The following PIMREG variants were observed in gnomAD, a reference collection of about 807,000 sequenced individuals.
The protein encoded by PIMREG is protein PIMREG.
In PIMREG, 19 loss-of-function variants were observed where a neutral mutation model predicts 24.3. That is an observed-to-expected ratio of 0.78 (90% confidence interval 0.54 to 1.15). PIMREG has a LOEUF of 1.15. Among genes scored for constraint, PIMREG ranks in the 50% most tolerant of loss-of-function variants. The pLI, the probability that PIMREG is intolerant of heterozygous loss-of-function variation, is 0.00. For missense variants in PIMREG, 283 were observed against 306.8 expected, an observed-to-expected ratio of 0.92 and a Z score of 0.58; for synonymous variants, 112 against 124.1, an observed-to-expected ratio of 0.90 and a Z score of 0.65.
chr17:6,445,520 G>A, intron 2 of PIMREG, 116 bp downstream of exon 2: 1 of 1,097,620 alleles, frequency 9.1e-7, no homozygotes. Context: ...ACGTTGGTTA[G>A]TTCACTGCTG....
Position 6,447,448 on chromosome 17 carries a change from A to G in PIMREG, c.295-15A>G. 6.2e-7 allele frequency: 1 copy of G among 1,610,966 alleles called. No individual in the cohort carries two copies. The highest frequency in any genetic ancestry group is 8.5e-7 in the Non-Finnish European group (1 of 1,177,906). On this transcript the variant is annotated splice_polypyrimidine_tract_variant and intron_variant, in intron 2 of 5. Coordinates refer to ENST00000572447, the MANE Select transcript of PIMREG (RefSeq NM_019013.3). ...TGGTTTTGTCTGTGCTAACCTTTCC[A>G]TTTGCCTGTTCCAGAGAATCCAGGA... is the stretch of plus-strand genomic sequence containing the variant.
intron 4 of PIMREG, 87 bp downstream of exon 4, chr17:6,449,494 C>T (rs765774492): frequency 6.3e-6 from 8 of 1,273,018 alleles, no homozygotes; most frequent in Non-Finnish European, 8.7e-6. Flanking sequence ...TCTGCTCTGA[C>T]CTGCTGTGTG....
intron 3 of PIMREG, among the ~76,000 whole-genome samples, chr17:6,448,294 A>AAATAAAAAAAT (rs1373372899): frequency 6.7e-6 from 1 of 149,802 alleles, no homozygotes; most frequent in Non-Finnish European, 1.5e-5. Flanking sequence ...AAAAAAAAAA[A>AAATAAAAAAAT]AAAAAAAAGA....
intron 2 of PIMREG, among the ~76,000 whole-genome samples, chr17:6,446,585 G>C (rs1190886891): frequency 6.6e-6 from 1 of 152,150 alleles, no homozygotes. Flanking sequence ...AGCTGATGAA[G>C]AAGAGCCTTC....
intron 2 of PIMREG, among the ~76,000 whole-genome samples, chr17:6,445,653 G>A (rs1168785390): frequency 6.6e-6 from 1 of 152,238 alleles, no homozygotes; most frequent in Non-Finnish European, 1.5e-5. Context: ...AGAGCTGTAC[G>A]TGATAGGAAA....
chr17:6,445,915 AG>A (rs1913553354), intron 2 of PIMREG, among the ~76,000 whole-genome samples: 1 of 152,206 alleles, frequency 6.6e-6, no homozygotes, highest in Non-Finnish European at 1.5e-5. Context: ...AAGGTAGAGC[AG>A]GGGGAAAGGA....
In PIMREG at chr17:6,446,811, G is replaced by A. The variant is rs189962112; in HGVS notation, c.295-652G>A. Among the ~76,000 whole-genome samples, 279 of 152,304 alleles carry A rather than the reference G, an allele frequency of 1.8e-3. 1 individual carries two copies. Among genetic ancestry groups the A allele is most frequent in the African/African-American group, 6.3e-3 (263 of 41,560 alleles). ...TGGTGTACAGGGGGTGCTGGGCGGG[G>A]TGGCCTGTTCTTTTGGGGCCCTCTC... On this transcript the variant is annotated intron_variant, in intron 2 of 5. Coordinates refer to ENST00000572447, the MANE Select transcript of PIMREG (RefSeq NM_019013.3).
At chr17:6,445,538 A>G (rs1013485032) in intron 2 of PIMREG, 134 bp downstream of exon 2, 4 of 876,252 alleles carry the variant, frequency 4.6e-6, no homozygotes, top group East Asian at 2.6e-5. Flanking sequence ...CTGTTTCCCC[A>G]CCACCCCAGA....
chr17:6,446,467 G>C (rs897073880), intron 2 of PIMREG, among the ~76,000 whole-genome samples: 11 of 152,186 alleles, frequency 7.2e-5, no homozygotes, highest in Non-Finnish European at 1.2e-4. Flanking sequence ...ACCACCCTCA[G>C]GGATCAGAGA....
In PIMREG at chr17:6,449,373, C is replaced by G. The variant is rs1233692285; in HGVS notation, c.652C>G (p.Gln218Glu). ...AGIQHLQKLS[Q>E]ELDEAIMAEE... is the part of the protein sequence containing the mutation. Reference sequence around the variant, plus strand: ...AATTCAGCATCTCCAGAAGCTGTCCCAAGAGCTAGATGAAGCCATTATGGC... The same window carrying G: ...AATTCAGCATCTCCAGAAGCTGTCCGAAGAGCTAGATGAAGCCATTATGGC... Residue 218 changes from glutamine to glutamate, a missense_variant, in exon 4 of 6, where the codon CAA becomes GAA. Coordinates refer to ENST00000572447, the MANE Select transcript of PIMREG (RefSeq NM_019013.3). The G allele has an allele frequency of 6.2e-7, 1 of 1,613,762 alleles. No homozygotes were observed. Among genetic ancestry groups the G allele is most frequent in the East Asian group, 2.2e-5 (1 of 44,834 alleles).
rs182230951 is a variant in PIMREG, at chr17:6,445,539, C to T, written c.294+135C>T. 2,557 of 876,446 alleles carry T rather than the reference C, an allele frequency of 2.9e-3. 7 individuals carry two copies. The highest frequency in any genetic ancestry group is 3.6e-3 in the Non-Finnish European group (2,101 of 583,050). 54.3% of individuals were successfully genotyped at this position (876,446 alleles called of 1,614,324 possible). Reference sequence around the variant, plus strand: ...TGGTTAGTTCACTGCTGTTTCCCCACCACCCCAGATAGTTCCTGGCACATA... The same window carrying T: ...TGGTTAGTTCACTGCTGTTTCCCCATCACCCCAGATAGTTCCTGGCACATA... On this transcript the variant is annotated intron_variant, in intron 2 of 5. Transcript: ENST00000572447.
intron 3 of PIMREG, among the ~76,000 whole-genome samples, chr17:6,448,483 T>C (rs886261107): frequency 6.6e-6 from 1 of 152,156 alleles, no homozygotes. Context: ...ATAGGAACTT[T>C]GAGCTGTAAT....
rs976127162 is a variant in PIMREG, at chr17:6,450,362, G to A, written c.*15G>A. ...TGAAAAAGGCAGCTCTGTCTTGAAG[G>A]AAACAAGCCCTGTCTGACCGCCAAG... On this transcript the variant is annotated splice_region_variant and 3_prime_UTR_variant, in exon 6 of 6. Coordinates refer to ENST00000572447, the MANE Select transcript of PIMREG (RefSeq NM_019013.3). 3 of 1,558,970 alleles carry A rather than the reference G, an allele frequency of 1.9e-6. No individual in the cohort carries two copies. Among genetic ancestry groups the A allele is most frequent in the Non-Finnish European group, 2.6e-6 (3 of 1,159,510 alleles).
chr17:6,445,050 G>C, intron 1 of PIMREG, 26 bp from the exon 2 acceptor site: 1 of 1,475,276 alleles, frequency 6.8e-7, no homozygotes, highest in Non-Finnish European at 9.0e-7. Flanking sequence ...ATGCCTTGCT[G>C]ATCTGCCTTT....
intron 2 of PIMREG, chr17:6,446,106 C>G (rs1913560859): frequency 5.0e-6 from 2 of 400,474 alleles, no homozygotes; most frequent in Non-Finnish European, 8.8e-6. Context: ...GGATAAACTT[C>G]AGGAGCTGCC....
chr17:6,445,998 C>T (rs1913557403), intron 2 of PIMREG: 1 of 400,460 alleles, frequency 2.5e-6, no homozygotes, highest in African/African-American at 2.0e-5. Flanking sequence ...AAAGTCTGGT[C>T]TAATTAGCAT....
At chr17:6,448,225 T>C (rs924781894) in intron 3 of PIMREG, among the ~76,000 whole-genome samples, 1 of 131,602 alleles carries the variant, frequency 7.6e-6, no homozygotes, top group East Asian at 2.3e-4. Context: ...GGAAGTTGCA[T>C]TGAGCTGAGA....
At chr17:6,445,054 T>C (rs1913517972) in intron 1 of PIMREG, 22 bp from the exon 2 acceptor site, 2 of 1,483,660 alleles carry the variant, frequency 1.3e-6, no homozygotes, top group Non-Finnish European at 1.8e-6. Flanking sequence ...CTTGCTGATC[T>C]GCCTTTCGCC....
At chr17:6,449,654 C>T (rs143819990) in intron 4 of PIMREG, 18,741 of 1,372,892 alleles carry the variant, frequency 0.014, 151 homozygotes, top group Middle Eastern at 0.031. Context: ...TTGTCCATCA[C>T]TTGGAACCTC....
Sources: gnomAD v4.1 joint callset for allele counts (sites outside exome capture counted in the v4.1 genomes callset) on GRCh38, gnomAD v4.1.1 for gene constraint, MANE v1.5 for transcripts, NCBI Gene and HGNC (gene_info 2026-07-23, HGNC 2026-07-21) for gene names.